The following TMEM132C variants were observed in gnomAD, a reference collection of about 807,000 sequenced individuals.
TMEM132C encodes protein phosphatase 1, regulatory subunit 152.
TMEM132C carries 29 observed loss-of-function variants against 61.4 expected under a neutral mutation model. That is an observed-to-expected ratio of 0.47 (90% CI 0.35 to 0.64). The LOEUF is 0.64. Ranked by LOEUF, TMEM132C falls within the 30% of genes least tolerant of loss-of-function variation. The probability of loss-of-function intolerance (pLI) is 0.00; values close to 1 mark genes in which losing one functional copy is unlikely to be tolerated. For missense variants in TMEM132C, 1,408 were observed against 1,476.9 expected (o/e 0.95, Z 0.76); for synonymous variants, 656 against 633.1 (o/e 1.04, Z -0.54).
intron 2 of TMEM132C, among the ~76,000 whole-genome samples, chr12:128,526,219 G>T (rs867622216): frequency 1.3e-5 from 2 of 152,224 alleles, no homozygotes; most frequent in Non-Finnish European, 2.9e-5. Context: ...CCTTAGGGCT[G>T]CTGTAAGAAA....
Position 128,338,777 on chromosome 12 carries a change from T to TA in TMEM132C, c.85+71290_85+71291insA, listed in dbSNP as rs1565905368. Among the ~76,000 whole-genome samples the TA allele has an allele frequency of 8.5e-4, 127 of 149,148 alleles. 1 individual carries two copies. The highest frequency in any genetic ancestry group is 6.9e-3 in the Middle Eastern group (2 of 290). On this transcript the variant is annotated intron_variant, in intron 1 of 8. Coordinates refer to ENST00000435159, the MANE Select transcript of TMEM132C (RefSeq NM_001136103.3). Reference sequence around the variant, plus strand: ...GCAGAAATATATATATATATATATATTTTGCACAAAGATGAAATCCGTCCT... The same window carrying TA: ...GCAGAAATATATATATATATATATATATTTGCACAAAGATGAAATCCGTCCT...
At chr12:128,404,655 A>G (rs1385205533) in intron 1 of TMEM132C, 1 of 149,742 alleles carries the variant, frequency 6.7e-6, no homozygotes, top group Admixed American at 6.7e-5. Context: ...GGCCCTAACC[A>G]TCCTTTATGT....
At position 128,670,063 on chromosome 12, in the gene TMEM132C, A is replaced by C. The variant is rs187745802; in HGVS notation, c.1449+503A>C. Among the ~76,000 whole-genome samples the C allele has an allele frequency of 6.6e-5, 10 of 152,318 alleles. No homozygotes were observed. In the East Asian group the frequency reaches 1.9e-3, roughly 29 times the overall value. The stretch of plus-strand genomic sequence containing the variant: ...GCAATTTTCAAGAATATATTATTAC[A>C]CTTTAGGAGGCTGAGGTGGGTGGAT... On this transcript the variant is annotated intron_variant, in intron 5 of 8. Transcript: ENST00000435159.
chr12:128,591,718 T>C (rs991177336), intron 3 of TMEM132C, among the ~76,000 whole-genome samples: 3 of 152,150 alleles, frequency 2.0e-5, no homozygotes, highest in Non-Finnish European at 4.4e-5. Context: ...GCCTGCCCCA[T>C]TTGTCTCTTT....
intron 2 of TMEM132C, among the ~76,000 whole-genome samples, chr12:128,489,955 T>C (rs957422889): frequency 1.3e-5 from 2 of 152,166 alleles, no homozygotes; most frequent in Non-Finnish European, 1.5e-5. Context: ...AAAATCGTTG[T>C]GTTTGCAGAC....
intron 1 of TMEM132C, among the ~76,000 whole-genome samples, chr12:128,347,671 AC>A (rs1873211208): frequency 1.3e-5 from 2 of 152,112 alleles, no homozygotes; most frequent in Admixed American, 1.3e-4. Context: ...CAGGTGATCC[AC>A]CCGCCTTGGT....
chr12:128,657,018 T>A (rs1954332483), intron 4 of TMEM132C, among the ~76,000 whole-genome samples: 1 of 152,160 alleles, frequency 6.6e-6, no homozygotes, highest in Non-Finnish European at 1.5e-5. Context: ...CTCCAAAATC[T>A]CTTCCTAGAA....
At chr12:128,448,686 A>G (rs1870075372) in intron 2 of TMEM132C, among the ~76,000 whole-genome samples, 1 of 152,200 alleles carries the variant, frequency 6.6e-6, no homozygotes, top group Non-Finnish European at 1.5e-5. Flanking sequence ...TTCAGAGTCA[A>G]ACTGCTAAGG....
chr12:128,611,888 C>T (rs182250915), intron 3 of TMEM132C, among the ~76,000 whole-genome samples: 128 of 152,286 alleles, frequency 8.4e-4, no homozygotes, highest in African/African-American at 2.9e-3. Flanking sequence ...ATGAACAGAG[C>T]GGAACCAGCG....
In TMEM132C at chr12:128,528,711, C is replaced by T. The variant is rs1339907184; in HGVS notation, c.975-15246C>T. Among the ~76,000 whole-genome samples the T allele has an allele frequency of 2.0e-5, 3 of 152,198 alleles. No homozygotes were observed. The East Asian group carries it at 5.8e-4, about 29-fold the overall frequency. On this transcript the variant is annotated intron_variant, in intron 2 of 8. Transcript: ENST00000435159. The stretch of plus-strand genomic sequence containing the variant: ...AATACCGGTATCACCCACGCTCTTA[C>T]TCATGATAACCAAAAATGCCTCCAG...
intron 2 of TMEM132C, among the ~76,000 whole-genome samples, chr12:128,455,804 G>A (rs939266367): frequency 2.0e-5 from 3 of 152,208 alleles, no homozygotes; most frequent in Admixed American, 6.5e-5. Flanking sequence ...AATCCAGGCC[G>A]ACTTACGGGC....
At chr12:128,433,002 A>AAAAT (rs72373120) in intron 2 of TMEM132C, among the ~76,000 whole-genome samples, 3,378 of 146,536 alleles carry the variant, frequency 0.023, 54 homozygotes, top group South Asian at 0.03. Flanking sequence ...CACCAGCCAA[A>AAAAT]AAATAAATAA....
At chr12:128,617,495 GGAAT>G (rs1876847855) in intron 4 of TMEM132C, among the ~76,000 whole-genome samples, 1 of 152,218 alleles carries the variant, frequency 6.6e-6, no homozygotes, top group African/African-American at 2.4e-5. Flanking sequence ...CCAGGCCTGG[GGAAT>G]GTATCACCCT....
intron 4 of TMEM132C, among the ~76,000 whole-genome samples, chr12:128,639,576 G>A (rs1249836138): frequency 1.3e-5 from 2 of 152,206 alleles, no homozygotes; most frequent in Admixed American, 6.5e-5. Flanking sequence ...ACAATAAATT[G>A]AAGGGATTGA....
At chr12:128,378,339 A>T (rs574457567) in intron 1 of TMEM132C, among the ~76,000 whole-genome samples, 1 of 151,982 alleles carries the variant, frequency 6.6e-6, no homozygotes, top group East Asian at 2.0e-4. Context: ...GATGGTCTCG[A>T]TCTCCTGACT....
chr12:128,299,204 G>A (rs897655899), intron 1 of TMEM132C, among the ~76,000 whole-genome samples: 1 of 152,186 alleles, frequency 6.6e-6, no homozygotes, highest in African/African-American at 2.4e-5. Context: ...TATTGGTCAT[G>A]AGACTCACTG....
intron 3 of TMEM132C, among the ~76,000 whole-genome samples, chr12:128,593,779 G>A (rs1295632573): frequency 6.6e-6 from 1 of 152,046 alleles, no homozygotes; most frequent in East Asian, 1.9e-4. Context: ...CTGAAGATGA[G>A]AGACATAGTA....
intron 2 of TMEM132C, among the ~76,000 whole-genome samples, chr12:128,455,931 T>C (rs1253787226): frequency 6.6e-6 from 1 of 152,234 alleles, no homozygotes; most frequent in Non-Finnish European, 1.5e-5. Flanking sequence ...CATCTTGTGC[T>C]GAGTGTTTAT....
At chr12:128,279,068 T>A (rs1870795249) in intron 1 of TMEM132C, among the ~76,000 whole-genome samples, 1 of 152,148 alleles carries the variant, frequency 6.6e-6, no homozygotes, top group Non-Finnish European at 1.5e-5. Flanking sequence ...CCTTATATAC[T>A]CACTCTATTG....
Sources: gnomAD v4.1 joint callset for allele counts (sites outside exome capture counted in the v4.1 genomes callset) on GRCh38, gnomAD v4.1.1 for gene constraint, MANE v1.5 for transcripts, NCBI Gene and HGNC (gene_info 2026-07-23, HGNC 2026-07-21) for gene names.